Variants in FCRL6 observed in about 807,000 individuals in gnomAD.
FCRL6 encodes the protein Fc receptor like 6.
A neutral mutation model predicts 49.1 loss-of-function variants in FCRL6; 50 were observed. That is an observed-to-expected ratio of 1.02 (90% CI 0.81 to 1.29). The LOEUF is 1.29. Among genes scored for constraint, FCRL6 ranks in the 50% most tolerant of loss-of-function variants. The pLI is 0.00. For synonymous variants in FCRL6, 213 were observed against 199.6 expected (o/e 1.07, Z -0.57); for missense variants, 571 against 518.5 (o/e 1.10, Z -0.98).
Position 159,809,129 on chromosome 1 carries a change from C to A in FCRL6, c.488C>A (p.Pro163Gln), listed in dbSNP as rs754803990. The A allele has an allele frequency of 2.7e-5, 43 of 1,614,062 alleles. No homozygotes were observed. Among genetic ancestry groups the A allele is most frequent in the Non-Finnish European group, 3.5e-5 (41 of 1,179,950 alleles). ...GHTLQDRGPH[P>Q]ELCIPGAKEG... Reference sequence around the variant, plus strand: ...ACCTTGCAGGACAGGGGCCCTCACCCAGAACTCTGCATCCCGGGAGCCAAG... The same window carrying A: ...ACCTTGCAGGACAGGGGCCCTCACCAAGAACTCTGCATCCCGGGAGCCAAG... The change falls in exon 4 of 10, where the codon CCA (proline) becomes CAA (glutamine). Residue 163 changes from proline (P) to glutamine (Q), a missense_variant. Coordinates refer to ENST00000368106, the MANE Select transcript of FCRL6 (RefSeq NM_001004310.3).
chr1:159,802,973 A>G (rs1662435749), intron 1 of FCRL6, among the ~76,000 whole-genome samples: 1 of 152,228 alleles, frequency 6.6e-6, no homozygotes, highest in Non-Finnish European at 1.5e-5. Context: ...AACAATGGCC[A>G]GACCTCTCAC....
chr1:159,802,327 C>A, upstream of FCRL6: 4 of 1,430,780 alleles, frequency 2.8e-6, no homozygotes, highest in Non-Finnish European at 2.9e-6. Flanking sequence ...GCTCAGGCCA[C>A]CCACCCACCT....
Position 159,808,107 on chromosome 1 carries a change from G to T in FCRL6, c.53-71G>T. On this transcript the variant is annotated intron_variant, in intron 2 of 9. Coordinates refer to ENST00000368106, the MANE Select transcript of FCRL6 (RefSeq NM_001004310.3). ...CATCCCCAGCAGGAGGCCTTAGGCT[G>T]GGGGACAGAGGGAGAGAAGTGACTG... 19 of 1,536,746 alleles carry T rather than the reference G, an allele frequency of 1.2e-5. No individual in the cohort carries two copies. In the South Asian group the frequency reaches 2.1e-4, roughly 17 times the overall value.
upstream of FCRL6, chr1:159,800,721 C>A (rs372952986): frequency 9.8e-6 from 9 of 913,768 alleles, no homozygotes; most frequent in South Asian, 1.2e-4. Flanking sequence ...AAATTAGTTT[C>A]CCACTTCCAC....
chr1:159,800,662 C>G (rs750063527), upstream of FCRL6: 1 of 1,511,088 alleles, frequency 6.6e-7, no homozygotes, highest in Admixed American at 2.0e-5. Context: ...CACTACTTTT[C>G]CCTCTTTCCT....
Position 159,809,218 on chromosome 1 carries a change from A to T in FCRL6, c.577A>T (p.Ser193Cys). The T allele has an allele frequency of 6.3e-7, 1 of 1,578,752 alleles. No homozygotes were observed. The highest frequency in any genetic ancestry group is 8.6e-7 in the Non-Finnish European group (1 of 1,164,242). ...TGAGGGTGGCCAGGTCCAGAAGCAGAGCCCCCAGCTGGAGGTCAGAGTGCA... is the reference window on the plus strand; with the variant it reads ...TGAGGGTGGCCAGGTCCAGAAGCAGTGCCCCCAGCTGGAGGTCAGAGTGCA... ...APEGGQVQKQ[S>C]PQLEVRVQAP... is the part of the protein sequence containing the mutation. Residue 193 changes from serine (S) to cysteine (C), a missense_variant, in exon 4 of 10, where the codon AGC (serine) becomes TGC (cysteine). Ser to Cys is a moderately radical substitution (Grantham distance 112). Coordinates refer to ENST00000368106, the MANE Select transcript of FCRL6 (RefSeq NM_001004310.3).
intron 2 of FCRL6, among the ~76,000 whole-genome samples, chr1:159,807,457 T>A (rs2101741418): frequency 6.6e-6 from 1 of 152,158 alleles, no homozygotes; most frequent in Admixed American, 6.5e-5. Flanking sequence ...GCCCTGCAGG[T>A]GATGGTGGAT....
intron 1 of FCRL6, among the ~76,000 whole-genome samples, chr1:159,804,520 C>T (rs962174554): frequency 1.3e-5 from 2 of 152,262 alleles, no homozygotes; most frequent in African/African-American, 4.8e-5. Flanking sequence ...CTTCATGATA[C>T]TGTCACCTCA....
rs1180444747 is a variant in FCRL6, at chr1:159,815,647, G to A, written c.1291G>A (p.Glu431Lys). The part of the protein sequence containing the change: ...TLQEPLSDCE[E>K]VLC The stretch of plus-strand genomic sequence containing the variant: ...CCAAGAACCCCTTAGCGACTGTGAG[G>A]AGGTTCTCTGCTAGTGATGGTGTTC... The change falls in exon 10 of 10, where the codon GAG becomes AAG. Residue 431 changes from glutamate to lysine, a missense_variant. Transcript: ENST00000368106. 6.2e-7 allele frequency: 1 copy of A among 1,614,106 alleles called. No homozygotes were observed. Among genetic ancestry groups the A allele is most frequent in the Non-Finnish European group, 8.5e-7 (1 of 1,180,014 alleles).
chr1:159,809,769 T>A, intron 5 of FCRL6, 86 bp downstream of exon 5: 1 of 1,219,010 alleles, frequency 8.2e-7, no homozygotes, highest in Non-Finnish European at 1.2e-6. Flanking sequence ...CCATCACGAC[T>A]GGCACAGTGC....
intron 6 of FCRL6, among the ~76,000 whole-genome samples, chr1:159,810,478 T>A (rs906311173): frequency 6.6e-6 from 1 of 152,076 alleles, no homozygotes; most frequent in Non-Finnish European, 1.5e-5. Flanking sequence ...CACTCAGGCA[T>A]GATTAGAACA....
At chr1:159,813,135 G>A (rs1460295395) in intron 6 of FCRL6, among the ~76,000 whole-genome samples, 3 of 152,136 alleles carry the variant, frequency 2.0e-5, no homozygotes, top group Non-Finnish European at 4.4e-5. Flanking sequence ...TATTTTATTT[G>A]GATTGCCTGG....
chr1:159,810,180 GCA>G lies in FCRL6; in HGVS notation c.975_976del (p.Leu326SerfsTer41). 1.2e-6 allele frequency: 2 copies of G among 1,613,702 alleles called. No homozygotes were observed. Among genetic ancestry groups the G allele is most frequent in the Non-Finnish European group, 1.7e-6 (2 of 1,179,814 alleles). On this transcript the variant is annotated frameshift_variant, in exon 6 of 10. Coordinates refer to ENST00000368106, the MANE Select transcript of FCRL6 (RefSeq NM_001004310.3). LOFTEE classifies it high-confidence loss of function. ...SLLGLMVIAA[A>X]LLVYVRSWRK... is the part of the protein sequence containing the mutation. ...GCTTGGCCTGATGGTTATTGCTGCTGCACTTCTGGTTTATGTGAGATCCTGGA... is the reference window on the plus strand; with the variant it reads ...GCTTGGCCTGATGGTTATTGCTGCTGCTTCTGGTTTATGTGAGATCCTGGA...
chr1:159,811,105 T>C (rs1036088594), intron 6 of FCRL6, among the ~76,000 whole-genome samples: 2 of 152,260 alleles, frequency 1.3e-5, no homozygotes, highest in Non-Finnish European at 2.9e-5. Context: ...TTTCAAGTTA[T>C]CTATTTATTT....
chr1:159,800,605 C>T, upstream of FCRL6: 1 of 1,550,188 alleles, frequency 6.5e-7, no homozygotes, highest in Non-Finnish European at 8.7e-7. Context: ...TGAATGTTGC[C>T]ATCTTTAGGT....
intron 1 of FCRL6, among the ~76,000 whole-genome samples, chr1:159,805,587 C>T (rs1662626405): frequency 6.6e-6 from 1 of 152,236 alleles, no homozygotes; most frequent in Admixed American, 6.5e-5. Flanking sequence ...CTAACCATAT[C>T]TGTCATCATT....
At chr1:159,801,245 T>C (rs900038871), upstream of FCRL6, among the ~76,000 whole-genome samples, 5 of 152,250 alleles carry the variant, frequency 3.3e-5, no homozygotes, top group African/African-American at 1.2e-4. Context: ...GGCTTATATG[T>C]ATACATTTCT....
chr1:159,803,224 T>A (rs988327978), intron 1 of FCRL6, among the ~76,000 whole-genome samples: 1 of 152,048 alleles, frequency 6.6e-6, no homozygotes, highest in African/African-American at 2.4e-5. Context: ...GTCACTGGGC[T>A]CCCCCAGACC....
chr1:159,809,666 A>C lies in FCRL6; in HGVS notation c.869A>C (p.Lys290Thr). 1 of 1,614,054 alleles carries C rather than the reference A, an allele frequency of 6.2e-7. No individual in the cohort carries two copies. The highest frequency in any genetic ancestry group is 8.5e-7 in the Non-Finnish European group (1 of 1,179,988). ...NSVSRERSEP[K>T]KLSLKGSQVL... is the part of the protein sequence containing the mutation. ...GTCTCCAGAGAGAGGAGTGAGCCCAAGAAGCTGTCTCTGAAGGGTGTGTTT... is the reference window on the plus strand; with the variant it reads ...GTCTCCAGAGAGAGGAGTGAGCCCACGAAGCTGTCTCTGAAGGGTGTGTTT... The change falls in exon 5 of 10, where the codon AAG becomes ACG. Residue 290 changes from lysine to threonine, a missense_variant. Physicochemically the swap from Lys to Thr is moderately conservative, Grantham distance 78. Transcript: ENST00000368106.
Sources: gnomAD v4.1 joint callset for allele counts (sites outside exome capture counted in the v4.1 genomes callset) on GRCh38, gnomAD v4.1.1 for gene constraint, MANE v1.5 for transcripts, NCBI Gene and HGNC (gene_info 2026-07-23, HGNC 2026-07-21) for gene names.